XPO4: variants seen among roughly 807,000 people sequenced by gnomAD.
The protein encoded by XPO4 is exportin-4.
XPO4 carries 39 observed loss-of-function variants against 143.0 expected under a neutral mutation model. That is an observed-to-expected ratio of 0.27 (90% CI 0.21 to 0.36). XPO4 has a LOEUF of 0.36. Ranked by LOEUF, XPO4 falls within the 10% of genes least tolerant of loss-of-function variation. The probability of loss-of-function intolerance (pLI) is 1.00; values close to 1 mark genes in which losing one functional copy is unlikely to be tolerated. For synonymous variants in XPO4, 439 were observed against 474.0 expected (o/e 0.93, Z 0.96); for missense variants, 907 against 1,348.0 (o/e 0.67, Z 5.12).
At chr13:20,871,542 T>C (rs1247066248) in intron 1 of XPO4, among the ~76,000 whole-genome samples, 1 of 152,196 alleles carries the variant, frequency 6.6e-6, no homozygotes, top group Admixed American at 6.5e-5. Context: ...ATCCCAGCAC[T>C]CTGGATTACA....
At chr13:20,883,998 T>C (rs2060438182) in intron 1 of XPO4, among the ~76,000 whole-genome samples, 1 of 152,234 alleles carries the variant, frequency 6.6e-6, no homozygotes, top group East Asian at 1.9e-4. Flanking sequence ...ACTCCCAACC[T>C]CAGGTGATCC....
intron 1 of XPO4, among the ~76,000 whole-genome samples, chr13:20,891,921 CA>C (rs1326449578): frequency 6.6e-6 from 1 of 151,874 alleles, no homozygotes; most frequent in East Asian, 1.9e-4. Flanking sequence ...CTTCTGGACT[CA>C]AGCAATTCTG....
In XPO4 at chr13:20,861,729, C is replaced by T. The variant is rs1323893206; in HGVS notation, c.317+988G>A. Among the ~76,000 whole-genome samples the T allele has an allele frequency of 2.7e-5, 4 of 150,154 alleles. No individual in the cohort carries two copies. In the East Asian group the frequency reaches 5.9e-4, roughly 22 times the overall value. ...AAACTCATCCTATTTTCAATGGAAG[C>T]TACTTAAAGATTTTGGAACTTCTTA... On this transcript the variant is annotated intron_variant, in intron 3 of 22. Coordinates refer to ENST00000255305, the MANE Select transcript of XPO4 (RefSeq NM_022459.5).
At chr13:20,817,140 C>T (rs1285067745) in intron 9 of XPO4, among the ~76,000 whole-genome samples, 2 of 152,220 alleles carry the variant, frequency 1.3e-5, no homozygotes, top group East Asian at 3.8e-4. Flanking sequence ...TACACAGTTA[C>T]ACTGTACGGA....
In XPO4 at chr13:20,785,595, G is replaced by A. The variant is rs372806159; in HGVS notation, c.3258+1370C>T. ...CGGGAGGATTGCTTGAGGCCAGGAG[G>A]CCGAGGCAGGAGTTAGCAGTAATTG... On this transcript the variant is annotated intron_variant, in intron 22 of 22. Transcript: ENST00000255305. Among the ~76,000 whole-genome samples the A allele has an allele frequency of 8.4e-4, 128 of 151,944 alleles. 3 individuals are homozygous for A. In the South Asian group the frequency reaches 0.025, roughly 30 times the overall value.
In XPO4 at chr13:20,868,575, AT is replaced by A. The variant is rs762751500; in HGVS notation, c.175+20del. On this transcript the variant is annotated intron_variant, in intron 2 of 22. Transcript: ENST00000255305. ...ATCTGATTATGCCAAAATATTTTATATTTTTTAAGTGAATACTTACCCAAAA... is the reference window on the plus strand; with the variant it reads ...ATCTGATTATGCCAAAATATTTTATATTTTTAAGTGAATACTTACCCAAAA... 2.4e-5 allele frequency: 38 copies of A among 1,606,098 alleles called. No homozygotes were observed. The highest frequency in any genetic ancestry group is 3.0e-5 in the Non-Finnish European group (35 of 1,177,562).
At chr13:20,902,081 C>T in intron 1 of XPO4, 1 of 985,362 alleles carries the variant, frequency 1.0e-6, no homozygotes. Flanking sequence ...TAGCACTAGA[C>T]CAAGTTTTGC....
chr13:20,834,284 T>C (rs1183934708), intron 6 of XPO4, among the ~76,000 whole-genome samples: 1 of 152,210 alleles, frequency 6.6e-6, no homozygotes, highest in Non-Finnish European at 1.5e-5. Context: ...GATTACAGGA[T>C]ACAAGATCAA....
chr13:20,866,072 C>G, intron 2 of XPO4: 1 of 985,384 alleles, frequency 1.0e-6, no homozygotes, highest in Non-Finnish European at 1.2e-6. Context: ...CAATCCCTCA[C>G]AGTTCTTGAT....
At chr13:20,883,870 C>T (rs1188309311) in intron 1 of XPO4, among the ~76,000 whole-genome samples, 3 of 152,118 alleles carry the variant, frequency 2.0e-5, no homozygotes, top group African/African-American at 7.2e-5. Context: ...TGGGTTCAAG[C>T]GATTCTCCTG....
rs544762036 is a variant in XPO4, at chr13:20,797,316, C to CTCTT, written c.2323-263_2323-260dup. Among the ~76,000 whole-genome samples the CTCTT allele has an allele frequency of 7.8e-4, 119 of 152,232 alleles. 1 individual carries two copies. Among genetic ancestry groups the CTCTT allele is most frequent in the African/African-American group, 2.8e-3 (118 of 41,538 alleles). On this transcript the variant is annotated intron_variant, in intron 16 of 22. Coordinates refer to ENST00000255305, the MANE Select transcript of XPO4 (RefSeq NM_022459.5). ...AAAGAATTCTGCCATTTCCCTCCAT[C>CTCTT]TCTTTCCAAGTAATGAGTCAAAAAG...
intron 1 of XPO4, among the ~76,000 whole-genome samples, chr13:20,885,614 A>C (rs1283339175): frequency 1.3e-5 from 2 of 152,184 alleles, no homozygotes; most frequent in Non-Finnish European, 2.9e-5. Context: ...ATGCATATAA[A>C]ACTCAAGGGC....
intron 6 of XPO4, among the ~76,000 whole-genome samples, chr13:20,832,152 T>C (rs2138014923): frequency 6.6e-6 from 1 of 152,272 alleles, no homozygotes; most frequent in African/African-American, 2.4e-5. Context: ...GAGACAAACA[T>C]ATACCAGGCC....
chr13:20,818,805 C>T (rs1270584854), intron 9 of XPO4, among the ~76,000 whole-genome samples: 1 of 151,848 alleles, frequency 6.6e-6, no homozygotes, highest in African/African-American at 2.4e-5. Context: ...ACACTATACA[C>T]GTCCCCCTCC....
chr13:20,852,712 C>G (rs891629857), intron 4 of XPO4: 10 of 978,632 alleles, frequency 1.0e-5, no homozygotes, highest in Non-Finnish European at 1.2e-5. Flanking sequence ...CAAGGTACAC[C>G]ACATCTATAT....
In XPO4 at chr13:20,853,336, C is replaced by CAAAAAAAAAAAAA. The variant is rs56312143; in HGVS notation, c.456+2278_456+2290dup. ...CAACAGAGCAAGTGAGACCCTGTCT[C>CAAAAAAAAAAAAA]AAAAAAAAAAAAAAAATAGCTTCCT... On this transcript the variant is annotated intron_variant, in intron 4 of 22. Coordinates refer to ENST00000255305, the MANE Select transcript of XPO4 (RefSeq NM_022459.5). Among the ~76,000 whole-genome samples, 50 of 101,924 alleles carry CAAAAAAAAAAAAA rather than the reference C, an allele frequency of 4.9e-4. 1 individual carries two copies. The highest frequency in any genetic ancestry group is 9.3e-4 in the Admixed American group (8 of 8,630). 66.9% of individuals were successfully genotyped at this position (101,924 alleles called of 152,430 possible). A position where few individuals can be genotyped will look rare whatever the true frequency, so the allele number is the denominator to read the frequency against.
intron 6 of XPO4, 102 bp from the exon 7 acceptor site, chr13:20,827,281 G>GT: frequency 1.2e-6 from 1 of 816,348 alleles, no homozygotes; most frequent in Non-Finnish European, 2.1e-6. Context: ...ATTTGTAATG[G>GT]TAACAGTTTA....
intron 4 of XPO4, chr13:20,848,978 C>A (rs1699113642): frequency 2.0e-6 from 2 of 985,384 alleles, no homozygotes; most frequent in East Asian, 1.1e-4. Context: ...AAGTCTTAGA[C>A]CAGCATTCTC....
intron 6 of XPO4, among the ~76,000 whole-genome samples, chr13:20,829,553 T>A (rs1271665467): frequency 1.3e-5 from 2 of 152,134 alleles, no homozygotes; most frequent in East Asian, 3.8e-4. Flanking sequence ...AGGCAAATAC[T>A]TCAGGTGCTA....
Sources: gnomAD v4.1 joint callset for allele counts (sites outside exome capture counted in the v4.1 genomes callset) on GRCh38, gnomAD v4.1.1 for gene constraint, MANE v1.5 for transcripts, NCBI Gene and HGNC (gene_info 2026-07-23, HGNC 2026-07-21) for gene names.